Variants in XKR6 observed in about 807,000 individuals in gnomAD.
The protein encoded by XKR6 is XK-related protein 6.
A neutral mutation model predicts 56.7 loss-of-function variants in XKR6; 22 were observed. That is an observed-to-expected ratio of 0.39 (90% confidence interval 0.28 to 0.55). The LOEUF is 0.55. XKR6 is among the 20% of genes least tolerant of loss of function. The pLI is 0.66. For missense variants in XKR6, 852 were observed against 889.0 expected, an observed-to-expected ratio of 0.96 and a Z score of 0.53; for synonymous variants, 524 against 387.8, an observed-to-expected ratio of 1.35 and a Z score of -4.13.
intron 1 of XKR6, among the ~76,000 whole-genome samples, chr8:11,170,702 A>G (rs990994103): frequency 6.6e-6 from 1 of 152,228 alleles, no homozygotes. Flanking sequence ...TAGTACGTTA[A>G]TTATATCTTA....
At chr8:11,120,281 A>G (rs1226759092) in intron 1 of XKR6, among the ~76,000 whole-genome samples, 2 of 152,196 alleles carry the variant, frequency 1.3e-5, no homozygotes. Context: ...GTATATTTAG[A>G]AAACCCCATC....
intron 1 of XKR6, among the ~76,000 whole-genome samples, chr8:11,144,911 G>A (rs1243555476): frequency 1.3e-5 from 2 of 150,606 alleles, no homozygotes; most frequent in South Asian, 2.1e-4. Context: ...AGGGGAAGGG[G>A]AAGGGAAAGA....
intron 1 of XKR6, among the ~76,000 whole-genome samples, chr8:10,937,764 A>C (rs1270515122): frequency 1.3e-5 from 2 of 150,720 alleles, no homozygotes; most frequent in South Asian, 4.2e-4. Context: ...CCGTTCTCAG[A>C]TCTCCAGCTG....
chr8:11,005,734 G>A (rs1277016338), intron 1 of XKR6, among the ~76,000 whole-genome samples: 1 of 151,700 alleles, frequency 6.6e-6, no homozygotes, highest in Non-Finnish European at 1.5e-5. Context: ...TTTAAACAGT[G>A]GCTATCTCTG....
rs376064738 is a variant in XKR6 at position 10,942,768 on chromosome 8, G to A, written c.765-17938C>T. 8.5e-5 allele frequency among the ~76,000 whole-genome samples: 13 copies of A among 152,208 alleles called. No homozygotes were observed. The East Asian group carries it at 1.7e-3, about 20-fold the overall frequency. ...TGCCAATCACCCCTGCCTTCCCTCC[G>A]CCCTGTTCACGCTACAACCCCTTCC... On this transcript the variant is annotated intron_variant, in intron 1 of 2. Transcript: ENST00000416569.
At chr8:10,928,620 G>C (rs1191899476) in intron 1 of XKR6, among the ~76,000 whole-genome samples, 1 of 152,210 alleles carries the variant, frequency 6.6e-6, no homozygotes, top group Non-Finnish European at 1.5e-5. Context: ...GGTGGCGCCA[G>C]ACCCTAAGCG....
At chr8:10,978,999 T>C (rs775203107) in intron 1 of XKR6, among the ~76,000 whole-genome samples, 3 of 152,096 alleles carry the variant, frequency 2.0e-5, no homozygotes, top group Non-Finnish European at 4.4e-5. Flanking sequence ...GACCCATCTG[T>C]CCACCCCCTG....
chr8:10,930,385 C>A (rs1238276061), intron 1 of XKR6, among the ~76,000 whole-genome samples: 3 of 152,116 alleles, frequency 2.0e-5, no homozygotes, highest in Admixed American at 6.6e-5. Context: ...GTAGAAATTG[C>A]ACCAACTGTA....
At chr8:10,926,211 C>T (rs1563292432) in intron 1 of XKR6, among the ~76,000 whole-genome samples, 1 of 152,166 alleles carries the variant, frequency 6.6e-6, no homozygotes, top group South Asian at 2.1e-4. Flanking sequence ...GTCACTGCCA[C>T]AACACCAGCT....
intron 1 of XKR6, among the ~76,000 whole-genome samples, chr8:11,043,317 CT>C (rs1387962037): frequency 6.6e-6 from 1 of 152,080 alleles, no homozygotes; most frequent in African/African-American, 2.4e-5. Flanking sequence ...GCAGCAGGAA[CT>C]CAGCTCACAT....
In XKR6 at chr8:11,005,842, CT is replaced by C. The variant is rs56880407; in HGVS notation, c.765-81013del. On this transcript the variant is annotated intron_variant, in intron 1 of 2. Transcript: ENST00000416569. ...TAATAAAAATATTTTTTCTTTCTTT[CT>C]TTTTTTTTTTTTTTTTTTGAGATGG... Among the ~76,000 whole-genome samples, 826 of 121,314 alleles carry C rather than the reference CT, an allele frequency of 6.8e-3. 1 individual carries two copies. Among genetic ancestry groups the C allele is most frequent in the African/African-American group, 0.02 (629 of 31,790 alleles). 79.6% of individuals were successfully genotyped at this position (121,314 alleles called of 152,430 possible).
chr8:11,053,011 G>T (rs972475481), intron 1 of XKR6, among the ~76,000 whole-genome samples: 19 of 152,140 alleles, frequency 1.2e-4, no homozygotes, highest in Admixed American at 7.8e-4. Flanking sequence ...AGAGCACTGC[G>T]CGGGGTCCAG....
At chr8:11,155,801 C>A (rs1321511908) in intron 1 of XKR6, among the ~76,000 whole-genome samples, 2 of 152,158 alleles carry the variant, frequency 1.3e-5, no homozygotes, top group African/African-American at 4.8e-5. Context: ...TGATCTTACT[C>A]GAAATGCAAA....
intron 1 of XKR6, among the ~76,000 whole-genome samples, chr8:10,999,637 A>T (rs1315249575): frequency 2.0e-5 from 3 of 152,238 alleles, no homozygotes; most frequent in Non-Finnish European, 4.4e-5. Context: ...ACCAAAATAA[A>T]AGTTCTAAAA....
At chr8:11,097,511 T>TA (rs1183653892) in intron 1 of XKR6, among the ~76,000 whole-genome samples, 4 of 150,940 alleles carry the variant, frequency 2.7e-5, no homozygotes, top group Admixed American at 2.0e-4. Flanking sequence ...AAATATTGGT[T>TA]AAAAAAATTA....
chr8:11,170,258 C>T (rs1182886678), intron 1 of XKR6, among the ~76,000 whole-genome samples: 1 of 152,122 alleles, frequency 6.6e-6, no homozygotes, highest in African/African-American at 2.4e-5. Context: ...TTCTAGCAGC[C>T]TTATTATGTT....
intron 1 of XKR6, among the ~76,000 whole-genome samples, chr8:11,132,767 G>GCAAACACACACA (rs1554468042): frequency 7.2e-6 from 1 of 138,192 alleles, no homozygotes; most frequent in Non-Finnish European, 1.5e-5. Context: ...ACACACGCAC[G>GCAAACACACACA]CACACACACA....
At chr8:11,086,149 T>TATATATATATATATATATA (rs1554454135) in intron 1 of XKR6, among the ~76,000 whole-genome samples, 55 of 100,794 alleles carry the variant, frequency 5.5e-4, no homozygotes, top group African/African-American at 1.8e-3. Context: ...TATATATATA[T>TATATATATATATATATATA]TTTTTTTTAA....
intron 1 of XKR6, among the ~76,000 whole-genome samples, chr8:11,118,967 T>C (rs1211789901): frequency 2.0e-5 from 3 of 152,182 alleles, no homozygotes; most frequent in Admixed American, 6.5e-5. Context: ...TTTCACTCTA[T>C]ACACTGCTTT....
Sources: gnomAD v4.1 joint callset for allele counts (sites outside exome capture counted in the v4.1 genomes callset) on GRCh38, gnomAD v4.1.1 for gene constraint, MANE v1.5 for transcripts, NCBI Gene and HGNC (gene_info 2026-07-23, HGNC 2026-07-21) for gene names.